Variants in DDX50 observed in about 807,000 individuals in gnomAD.
DDX50 encodes ATP-dependent RNA helicase DDX50.
In DDX50, 56 loss-of-function variants were observed where a neutral mutation model predicts 94.8. The observed-to-expected ratio is 0.59, with a 90% CI of 0.48 to 0.74. The LOEUF is 0.74. Among genes scored for constraint, DDX50 ranks in the 30% least tolerant of loss-of-function variants. The probability of loss-of-function intolerance (pLI) is 0.00; values close to 1 mark genes in which losing one functional copy is unlikely to be tolerated. For synonymous variants in DDX50, 264 were observed against 295.4 expected (o/e 0.89, Z 1.09); for missense variants, 713 against 881.2 (o/e 0.81, Z 2.42).
At chr10:68,939,096 A>T (rs1589272390) in intron 12 of DDX50, among the ~76,000 whole-genome samples, 2 of 152,184 alleles carry the variant, frequency 1.3e-5, no homozygotes, top group South Asian at 4.1e-4. Flanking sequence ...ATATTGCATC[A>T]CATCAAGAGG....
intron 1 of DDX50, among the ~76,000 whole-genome samples, 170 bp downstream of exon 1, chr10:68,901,641 C>T (rs766833989): frequency 2.0e-5 from 3 of 152,212 alleles, no homozygotes; most frequent in Non-Finnish European, 2.9e-5. Context: ...TCCACCTCCA[C>T]CCTCCCGACC....
chr10:68,903,711 G>A (rs1841357738), intron 1 of DDX50, among the ~76,000 whole-genome samples: 1 of 152,014 alleles, frequency 6.6e-6, no homozygotes, highest in Non-Finnish European at 1.5e-5. Flanking sequence ...TGAGGTAAGA[G>A]AATCGTATGA....
At chr10:68,910,218 C>A in intron 2 of DDX50, 89 bp from the exon 3 acceptor site, 1 of 1,134,702 alleles carries the variant, frequency 8.8e-7, no homozygotes, top group South Asian at 1.4e-5. Context: ...CACTAATTTT[C>A]CTTGTAAGTT....
intron 14 of DDX50, among the ~76,000 whole-genome samples, chr10:68,944,286 C>T (rs941105425): frequency 2.0e-5 from 3 of 151,988 alleles, no homozygotes; most frequent in Non-Finnish European, 2.9e-5. Context: ...GTTCTTCCTC[C>T]TCCCTCTCTC....
At chr10:68,944,103 AC>A (rs1842609991) in intron 14 of DDX50, among the ~76,000 whole-genome samples, 1 of 152,204 alleles carries the variant, frequency 6.6e-6, no homozygotes, top group Non-Finnish European at 1.5e-5. Flanking sequence ...AATATTAATG[AC>A]TTTAAAAAAG....
chr10:68,907,995 A>G lies in DDX50; in HGVS notation c.384+988A>G, dbSNP rs144069531. Among the ~76,000 whole-genome samples, 497 of 152,254 alleles carry G rather than the reference A, an allele frequency of 3.3e-3. 8 individuals carry two copies. Among genetic ancestry groups the G allele is most frequent in the African/African-American group, 0.012 (484 of 41,534 alleles). On this transcript the variant is annotated intron_variant, in intron 2 of 14. Coordinates refer to ENST00000373585, the MANE Select transcript of DDX50 (RefSeq NM_024045.2). ...GGTGTGCAGAGCTGTATGAATAAGT[A>G]CTCTTATCATAGTAATATTGTTGAT...
At chr10:68,941,785 G>A (rs1406025518) in intron 13 of DDX50, among the ~76,000 whole-genome samples, 1 of 151,830 alleles carries the variant, frequency 6.6e-6, no homozygotes, top group African/African-American at 2.4e-5. Flanking sequence ...GATTACAGGT[G>A]CCCGCCACTA....
chr10:68,930,058 CCTTT>C (rs150710058), intron 8 of DDX50, among the ~76,000 whole-genome samples: 8,750 of 148,638 alleles, frequency 0.059, 868 homozygotes, highest in African/African-American at 0.2. Flanking sequence ...TTCCTTCCTT[CCTTT>C]CTTTTCCTTC....
At position 68,913,200 on chromosome 10, in the gene DDX50, A is replaced by G. The variant is rs1841682285; in HGVS notation, c.678A>G (p.Gln226=). ...CTCCAACAAGGGAACTGGCAAACCAAGTAGCCAAAGACTTCAAAGATATAA... is the reference window on the plus strand; with the variant it reads ...CTCCAACAAGGGAACTGGCAAACCAGGTAGCCAAAGACTTCAAAGATATAA... ...VLAPTRELAN[Q]VAKDFKDITR... is the part of the protein sequence containing the mutation. The change falls in exon 5 of 15, where the codon CAA becomes CAG. Residue 226 remains glutamine, a synonymous_variant. Coordinates refer to ENST00000373585, the MANE Select transcript of DDX50 (RefSeq NM_024045.2). 1.2e-6 allele frequency: 2 copies of G among 1,612,350 alleles called. No homozygotes were observed. The highest frequency in any genetic ancestry group is 2.7e-5 in the African/African-American group (2 of 74,844).
At chr10:68,915,104 C>T (rs989142130) in intron 7 of DDX50, among the ~76,000 whole-genome samples, 6 of 148,496 alleles carry the variant, frequency 4.0e-5, no homozygotes, top group African/African-American at 1.5e-4. Context: ...GAAAGTTAAA[C>T]CAATGGTATG....
At chr10:68,944,729 T>G (rs1842628346) in intron 14 of DDX50, among the ~76,000 whole-genome samples, 1 of 152,154 alleles carries the variant, frequency 6.6e-6, no homozygotes, top group African/African-American at 2.4e-5. Flanking sequence ...GTATTTTTAG[T>G]AGAGACGGGG....
At chr10:68,943,629 T>C (rs1842600279) in intron 14 of DDX50, among the ~76,000 whole-genome samples, 1 of 152,112 alleles carries the variant, frequency 6.6e-6, no homozygotes. Context: ...ATGGGGTTTC[T>C]CCATGTTGGT....
intron 12 of DDX50, 42 bp downstream of exon 12, chr10:68,937,137 T>TA (rs1458730889): frequency 6.5e-7 from 1 of 1,547,662 alleles, no homozygotes; most frequent in African/African-American, 1.4e-5. Flanking sequence ...GGGAAAAGGT[T>TA]AAAATTGAAC....
chr10:68,919,585 A>C (rs1841890790), intron 7 of DDX50, among the ~76,000 whole-genome samples: 1 of 152,110 alleles, frequency 6.6e-6, no homozygotes, highest in Admixed American at 6.6e-5. Flanking sequence ...TGTTCCATGT[A>C]TATCAGTAGT....
intron 7 of DDX50, among the ~76,000 whole-genome samples, chr10:68,917,966 C>G (rs561969461): frequency 6.6e-6 from 1 of 151,932 alleles, no homozygotes; most frequent in Non-Finnish European, 1.5e-5. Flanking sequence ...CTCTTGTCGC[C>G]CAGGCTGGAG....
At chr10:68,901,647 C>T (rs1408190500) in intron 1 of DDX50, among the ~76,000 whole-genome samples, 176 bp downstream of exon 1, 2 of 152,176 alleles carry the variant, frequency 1.3e-5, no homozygotes, top group Non-Finnish European at 2.9e-5. Flanking sequence ...TCCACCCTCC[C>T]GACCTGGAGA....
intron 14 of DDX50, among the ~76,000 whole-genome samples, chr10:68,943,711 C>T (rs1208997542): frequency 2.6e-5 from 4 of 152,170 alleles, no homozygotes; most frequent in South Asian, 2.1e-4. Flanking sequence ...GGATTACAGG[C>T]GTGAGCCACC....
At chr10:68,918,952 A>T (rs1443833720) in intron 7 of DDX50, among the ~76,000 whole-genome samples, 1 of 152,168 alleles carries the variant, frequency 6.6e-6, no homozygotes, top group Non-Finnish European at 1.5e-5. Context: ...CCATATTCTT[A>T]CTGTGCCTTT....
intron 8 of DDX50, among the ~76,000 whole-genome samples, chr10:68,931,739 G>A (rs1842280482): frequency 6.6e-6 from 1 of 151,776 alleles, no homozygotes; most frequent in Admixed American, 6.6e-5. Flanking sequence ...AATTTAATAT[G>A]TTCATGATAT....
Sources: gnomAD v4.1 joint callset for allele counts (sites outside exome capture counted in the v4.1 genomes callset) on GRCh38, gnomAD v4.1.1 for gene constraint, MANE v1.5 for transcripts, NCBI Gene and HGNC (gene_info 2026-07-23, HGNC 2026-07-21) for gene names.